Variants in GNAL observed in about 807,000 individuals in gnomAD.
GNAL encodes G protein subunit alpha L.
A neutral mutation model predicts 55.1 loss-of-function variants in GNAL; 18 were observed. The ratio of observed to expected loss-of-function variants is 0.33; its 90% CI spans 0.23 to 0.48. GNAL has a LOEUF of 0.48. Ranked by LOEUF, GNAL falls within the 20% of genes least tolerant of loss-of-function variation. The probability of loss-of-function intolerance (pLI) is 0.99; values close to 1 mark genes in which losing one functional copy is unlikely to be tolerated. For missense variants in GNAL, 412 were observed against 614.1 expected (o/e 0.67, Z 3.48); for synonymous variants, 253 against 237.0 (o/e 1.07, Z -0.62).
At chr18:11,748,354 T>C (rs1418161694) in intron 1 of GNAL, among the ~76,000 whole-genome samples, 4 of 152,144 alleles carry the variant, frequency 2.6e-5, no homozygotes, top group African/African-American at 9.7e-5. Context: ...TCAGTCTCTG[T>C]AAAATGATGA....
rs2036743590 is a variant in GNAL, at chr18:11,882,939, A to AGAGTT, written c.*1808_*1812dup. 6.6e-6 allele frequency: 1 copy of AGAGTT among 150,384 alleles called. No individual in the cohort carries two copies. The highest frequency in any genetic ancestry group is 1.9e-4 in the East Asian group (1 of 5,160). The allele number at this position is 150,384 out of a possible 1,614,324, so 9.3% of individuals were successfully genotyped here. ...TGCTTCATATTCTAGCTGTAGCCAC[A>AGAGTT]GAGTTGAGGGTAGTTTTTGTAGGTC... On this transcript the variant is annotated 3_prime_UTR_variant, in exon 12 of 12. Transcript: ENST00000334049.
Position 11,700,020 on chromosome 18 carries a change from G to C in GNAL, c.376+10081G>C, listed in dbSNP as rs1318164924. The stretch of plus-strand genomic sequence containing the variant: ...AACCTAAAACTGCTCTAAATAATAG[G>C]CTTCTTGTTTTAGTCACTTACTAAG... On this transcript the variant is annotated intron_variant, in intron 1 of 11. Coordinates refer to ENST00000334049, the MANE Select transcript of GNAL (RefSeq NM_182978.4). Among the ~76,000 whole-genome samples, 3 of 152,172 alleles carry C rather than the reference G, an allele frequency of 2.0e-5. No individual in the cohort carries two copies. The East Asian group carries it at 5.8e-4, about 29-fold the overall frequency.
intron 4 of GNAL, among the ~76,000 whole-genome samples, chr18:11,757,587 G>T (rs2033100463): frequency 1.3e-5 from 2 of 152,198 alleles, no homozygotes; most frequent in Non-Finnish European, 2.9e-5. Flanking sequence ...ATGTGGATAT[G>T]AGTACTGAGG....
At chr18:11,719,251 G>A (rs28681567) in intron 1 of GNAL, among the ~76,000 whole-genome samples, 2 of 151,624 alleles carry the variant, frequency 1.3e-5, no homozygotes, top group Non-Finnish European at 2.9e-5. Context: ...CACCAGTCAC[G>A]TGATGGTTGA....
chr18:11,783,152 C>G (rs1474264180), intron 4 of GNAL, among the ~76,000 whole-genome samples: 1 of 152,136 alleles, frequency 6.6e-6, no homozygotes, highest in African/African-American at 2.4e-5. Flanking sequence ...CTTTTTCGTT[C>G]TGTATATATT....
At chr18:11,813,191 G>T (rs369016668) in intron 4 of GNAL, among the ~76,000 whole-genome samples, 1 of 150,960 alleles carries the variant, frequency 6.6e-6, no homozygotes, top group Non-Finnish European at 1.5e-5. Flanking sequence ...GGAGGTGGAG[G>T]TTGCAGTGAG....
chr18:11,760,985 A>G (rs1334046125), intron 4 of GNAL, among the ~76,000 whole-genome samples: 1 of 152,218 alleles, frequency 6.6e-6, no homozygotes, highest in East Asian at 1.9e-4. Flanking sequence ...TGGCTGGGAC[A>G]TGGGCGGTAC....
At chr18:11,800,691 G>C (rs2034500884) in intron 4 of GNAL, among the ~76,000 whole-genome samples, 1 of 152,190 alleles carries the variant, frequency 6.6e-6, no homozygotes, top group Non-Finnish European at 1.5e-5. Context: ...AAGGGGCCAG[G>C]CGGCCTCTGG....
At chr18:11,808,198 A>C (rs1408056472) in intron 4 of GNAL, among the ~76,000 whole-genome samples, 1 of 151,280 alleles carries the variant, frequency 6.6e-6, no homozygotes, top group Non-Finnish European at 1.5e-5. Flanking sequence ...CCCAGACTCT[A>C]CTCTCCTCCA....
chr18:11,872,823 A>G (rs1161425444), intron 10 of GNAL, among the ~76,000 whole-genome samples: 2 of 152,230 alleles, frequency 1.3e-5, no homozygotes, highest in Non-Finnish European at 2.9e-5. Flanking sequence ...GAGGAGAGAT[A>G]GCGTGTTCAA....
chr18:11,851,518 A>G (rs980878125), intron 5 of GNAL: 3 of 1,587,766 alleles, frequency 1.9e-6, no homozygotes, highest in African/African-American at 2.7e-5. Flanking sequence ...GACTATGTCT[A>G]ACATGGAGAA....
intron 1 of GNAL, among the ~76,000 whole-genome samples, chr18:11,702,634 G>T (rs923249025): frequency 6.6e-6 from 1 of 152,164 alleles, no homozygotes; most frequent in African/African-American, 2.4e-5. Flanking sequence ...AGCTGTCTCA[G>T]GAGCTGTTCT....
chr18:11,709,131 T>G (rs1295939142), intron 1 of GNAL, among the ~76,000 whole-genome samples: 1 of 152,186 alleles, frequency 6.6e-6, no homozygotes, highest in Non-Finnish European at 1.5e-5. Flanking sequence ...GATTTATTTC[T>G]GGACTCTCTA....
intron 1 of GNAL, among the ~76,000 whole-genome samples, chr18:11,745,293 G>C (rs1224390357): frequency 1.3e-5 from 2 of 152,014 alleles, no homozygotes; most frequent in Admixed American, 6.6e-5. Flanking sequence ...AGGGGTGGGA[G>C]GCTCCTTATA....
intron 1 of GNAL, among the ~76,000 whole-genome samples, chr18:11,696,648 T>C (rs1363149787): frequency 6.6e-6 from 1 of 152,214 alleles, no homozygotes; most frequent in Non-Finnish European, 1.5e-5. Flanking sequence ...GGCTGGAAAC[T>C]GCCGTTGTTT....
chr18:11,874,277 G>A (rs2036471482), intron 10 of GNAL: 1 of 152,190 alleles, frequency 6.6e-6, no homozygotes. Flanking sequence ...CTGGAAGCCT[G>A]GGACCACCAT....
At chr18:11,708,430 C>T (rs1424672939) in intron 1 of GNAL, among the ~76,000 whole-genome samples, 5 of 152,108 alleles carry the variant, frequency 3.3e-5, no homozygotes, top group Admixed American at 1.3e-4. Context: ...GGGTGCTATA[C>T]GTGACACCTC....
At chr18:11,763,067 A>AT (rs556664944) in intron 4 of GNAL, among the ~76,000 whole-genome samples, 115 of 152,244 alleles carry the variant, frequency 7.6e-4, no homozygotes, top group African/African-American at 2.7e-3. Flanking sequence ...CTTAAATTCC[A>AT]TTTTTTTCTT....
rs781457321 is a variant in GNAL, at chr18:11,825,024, T to TTACAGG, written c.722+9_722+10insTACAGG. Reference sequence around the variant, plus strand: ...ATTGACTGTGCACAATAGTAAGTTGTGTCCTGTACAAGTTACAGGGCCCTT... The same window carrying TTACAGG: ...ATTGACTGTGCACAATAGTAAGTTGTTACAGGGTCCTGTACAAGTTACAGGGCCCTT... On this transcript the variant is annotated intron_variant, in intron 5 of 11. Transcript: ENST00000334049. 1.4e-6 allele frequency: 2 copies of TTACAGG among 1,459,550 alleles called. No individual in the cohort carries two copies. Among genetic ancestry groups the TTACAGG allele is most frequent in the African/African-American group, 2.8e-5 (2 of 71,634 alleles). The allele number at this position is 1,459,550 out of a possible 1,614,324, so 90.4% of individuals were successfully genotyped here. A position where few individuals can be genotyped will look rare whatever the true frequency, so the allele number is the denominator to read the frequency against.
Sources: gnomAD v4.1 joint callset for allele counts (sites outside exome capture counted in the v4.1 genomes callset) on GRCh38, gnomAD v4.1.1 for gene constraint, MANE v1.5 for transcripts, NCBI Gene and HGNC (gene_info 2026-07-23, HGNC 2026-07-21) for gene names.